The following TMEM71 variants were observed in gnomAD, a reference collection of about 807,000 sequenced individuals.
TMEM71 encodes transmembrane protein 71.
A neutral mutation model predicts 38.0 loss-of-function variants in TMEM71; 44 were observed. The ratio of observed to expected loss-of-function variants is 1.16; its 90% CI spans 0.91 to 1.49. TMEM71 has a LOEUF of 1.49. Ranked by LOEUF, TMEM71 falls within the 40% of genes most tolerant of loss-of-function variation. The pLI is 0.00. For synonymous variants in TMEM71, 133 were observed against 122.5 expected (o/e 1.09, Z -0.56); for missense variants, 367 against 348.6 (o/e 1.05, Z -0.42).
At chr8:132,760,198 G>A (rs377175877) in intron 1 of TMEM71, 2 of 139,832 alleles carry the variant, frequency 1.4e-5, no homozygotes, top group Non-Finnish European at 3.2e-5. Flanking sequence ...AAAAAAAAAA[G>A]CCCTTCAGTT....
At chr8:132,725,838 C>G (rs1474029434) in intron 6 of TMEM71, among the ~76,000 whole-genome samples, 1 of 152,020 alleles carries the variant, frequency 6.6e-6, no homozygotes, top group Admixed American at 6.6e-5. Context: ...AGGAGGCCAC[C>G]CAGGTATAGC....
chr8:132,741,502 A>C (rs1828034566), intron 5 of TMEM71, among the ~76,000 whole-genome samples: 1 of 152,048 alleles, frequency 6.6e-6, no homozygotes, highest in African/African-American at 2.4e-5. Context: ...ACAAAGCAAA[A>C]GGGGCAGGGT....
intron 5 of TMEM71, among the ~76,000 whole-genome samples, chr8:132,745,795 G>A (rs891825217): frequency 1.3e-5 from 2 of 151,564 alleles, no homozygotes; most frequent in African/African-American, 4.9e-5. Flanking sequence ...TGAATTGAAT[G>A]AAGAAAATGG....
chr8:132,758,580 T>C, intron 2 of TMEM71: 1 of 431,862 alleles, frequency 2.3e-6, no homozygotes, highest in Non-Finnish European at 4.1e-6. Flanking sequence ...TGATAAACAA[T>C]CTCCTTTCAC....
chr8:132,751,892 G>T lies in TMEM71; in HGVS notation c.207C>A (p.Thr69=). 6.2e-7 allele frequency: 1 copy of T among 1,614,028 alleles called. No individual in the cohort carries two copies. The stretch of plus-strand genomic sequence containing the variant: ...CTTCAGTCCAAATATAGTAGCCATT[G>T]GTGAGGAGTCTGGGACTTCGGCGAC... ...YTCRRSPRLL[T]NGYYIWTEDS... The change falls in exon 4 of 10, where the codon ACC becomes ACA. Residue 69 remains threonine, a synonymous_variant. Coordinates refer to ENST00000677595, the MANE Select transcript of TMEM71 (RefSeq NM_001382403.1).
chr8:132,715,687 C>G, intron 7 of TMEM71, among the ~76,000 whole-genome samples: 1 of 152,094 alleles, frequency 6.6e-6, no homozygotes, highest in East Asian at 1.9e-4. Flanking sequence ...CCAAGACACC[C>G]TTCAATAGGT....
chr8:132,748,925 T>C (rs1285421697), intron 4 of TMEM71, among the ~76,000 whole-genome samples: 1 of 152,226 alleles, frequency 6.6e-6, no homozygotes, highest in Non-Finnish European at 1.5e-5. Context: ...TCTGAACTCA[T>C]GTTTCACCTT....
chr8:132,758,911 A>C lies in TMEM71; in HGVS notation c.-32T>G. 1 of 1,605,374 alleles carries C rather than the reference A, an allele frequency of 6.2e-7. No homozygotes were observed. Among genetic ancestry groups the C allele is most frequent in the Non-Finnish European group, 8.5e-7 (1 of 1,172,340 alleles). ...AAGGCCGCTTGCTCAAACTTCACAG[A>C]TTCTCTGCAAAAGATGTTAAAAAAA... On this transcript the variant is annotated 5_prime_UTR_variant, in exon 2 of 10. Transcript: ENST00000677595.
intron 5 of TMEM71, among the ~76,000 whole-genome samples, chr8:132,743,920 G>A (rs1005358306): frequency 3.3e-5 from 5 of 152,122 alleles, no homozygotes; most frequent in Admixed American, 6.5e-5. Flanking sequence ...CCTTCACCCA[G>A]CAAAATCCTC....
chr8:132,758,494 T>C (rs2553606), intron 2 of TMEM71: 143,810 of 207,412 alleles, frequency 0.69, 50,936 homozygotes, highest in South Asian at 0.77. Flanking sequence ...TTAACAGCGC[T>C]CTTATTTTCT....
At chr8:132,754,406 A>G (rs925026906) in intron 3 of TMEM71, among the ~76,000 whole-genome samples, 1 of 152,188 alleles carries the variant, frequency 6.6e-6, no homozygotes, top group African/African-American at 2.4e-5. Context: ...TACAAGGTCA[A>G]TATGTAATTA....
chr8:132,752,122 A>G (rs1828749606), intron 3 of TMEM71, 125 bp from the exon 4 acceptor site: 1 of 760,496 alleles, frequency 1.3e-6, no homozygotes, highest in Non-Finnish European at 2.2e-6. Flanking sequence ...TACTTCTGCA[A>G]CCATTAGGAA....
intron 6 of TMEM71, among the ~76,000 whole-genome samples, chr8:132,727,546 G>A (rs1448015881): frequency 3.3e-5 from 5 of 152,066 alleles, no homozygotes; most frequent in Admixed American, 6.6e-5. Context: ...CTGACCTGCC[G>A]TGCCCGGTCT....
chr8:132,744,252 C>T (rs1379862901), intron 5 of TMEM71, among the ~76,000 whole-genome samples: 2 of 152,144 alleles, frequency 1.3e-5, no homozygotes, highest in African/African-American at 4.8e-5. Context: ...ATAATTATAA[C>T]TACAACTTAC....
intron 5 of TMEM71, among the ~76,000 whole-genome samples, chr8:132,746,122 A>G (rs1828326996): frequency 6.7e-6 from 1 of 150,074 alleles, no homozygotes; most frequent in Non-Finnish European, 1.5e-5. Context: ...AACATCACAT[A>G]ATATACCCAA....
chr8:132,722,090 G>A lies in TMEM71; in HGVS notation c.702C>T (p.Phe234=), dbSNP rs1442618163. Residue 234 remains phenylalanine, a synonymous_variant, in exon 7 of 10, where the codon TTC becomes TTT. Transcript: ENST00000677595. ...HSETRLLQEV[F]FQAILLAVCL... ...ACACAGCAAGCAGGATTGCCTGAAA[G>A]AAGACCTCTTGCAACAACCTGGTTT... The A allele has an allele frequency of 1.2e-6, 2 of 1,613,592 alleles. No individual in the cohort carries two copies. The highest frequency in any genetic ancestry group is 1.7e-4 in the Middle Eastern group (1 of 6,060).
intron 3 of TMEM71, among the ~76,000 whole-genome samples, chr8:132,756,572 A>AAAT (rs912012201): frequency 6.7e-6 from 1 of 149,274 alleles, no homozygotes; most frequent in African/African-American, 2.4e-5. Flanking sequence ...ACATACAGGA[A>AAAT]AATAATAATA....
At chr8:132,765,130 T>TTG (rs1276709578), upstream of TMEM71, among the ~76,000 whole-genome samples, 1 of 152,202 alleles carries the variant, frequency 6.6e-6, no homozygotes, top group Admixed American at 6.5e-5. Flanking sequence ...CTTGATGGCT[T>TTG]TGTAATATGT....
At chr8:132,758,579 A>G in intron 2 of TMEM71, 1 of 432,020 alleles carries the variant, frequency 2.3e-6, no homozygotes, top group Non-Finnish European at 4.1e-6. Flanking sequence ...CTGATAAACA[A>G]TCTCCTTTCA....
Sources: allele counts gnomAD v4.1 joint callset (sites outside exome capture counted in the v4.1 genomes callset), GRCh38; gene constraint gnomAD v4.1.1; transcripts MANE v1.5; gene names NCBI Gene and HGNC (gene_info 2026-07-23, HGNC 2026-07-21).